Variants in CCNJL observed in about 807,000 individuals in gnomAD.
The protein encoded by CCNJL is cyclin J like.
Under a neutral mutation model 33.4 loss-of-function variants are expected in CCNJL, and 33 were observed. The observed-to-expected ratio is 0.99, with a 90% CI of 0.75 to 1.32. The LOEUF is 1.32. Ranked by LOEUF, CCNJL falls within the 40% of genes most tolerant of loss-of-function variation. The pLI, the probability that CCNJL is intolerant of heterozygous loss-of-function variation, is 0.00. For missense variants in CCNJL, 512 were observed against 499.7 expected, an observed-to-expected ratio of 1.02 and a Z score of -0.23; for synonymous variants, 227 against 220.9, an observed-to-expected ratio of 1.03 and a Z score of -0.24.
chr5:160,289,738 G>A (rs1681208596), intron 2 of CCNJL, among the ~76,000 whole-genome samples: 1 of 152,178 alleles, frequency 6.6e-6, no homozygotes, highest in Non-Finnish European at 1.5e-5. Context: ...GAGGCAGCAG[G>A]GCTGCCTGGA....
chr5:160,324,327 C>T (rs1032687590), intron 1 of CCNJL, among the ~76,000 whole-genome samples: 7 of 151,974 alleles, frequency 4.6e-5, no homozygotes, highest in African/African-American at 1.7e-4. Context: ...AATCCCAGCA[C>T]TTTGGGAGGC....
At chr5:160,292,762 T>G (rs1262811884) in intron 2 of CCNJL, among the ~76,000 whole-genome samples, 1 of 152,190 alleles carries the variant, frequency 6.6e-6, no homozygotes, top group Non-Finnish European at 1.5e-5. Flanking sequence ...TGGCAGACAC[T>G]GCATTCCATG....
chr5:160,283,837 G>T (rs1235725718), intron 2 of CCNJL, among the ~76,000 whole-genome samples: 1 of 150,488 alleles, frequency 6.6e-6, no homozygotes, highest in African/African-American at 2.5e-5. Context: ...CAATTGCTTT[G>T]ATTTTTAGAT....
At chr5:160,312,880 C>T (rs1038993151), upstream of CCNJL, 1 of 152,042 alleles carries the variant, frequency 6.6e-6, no homozygotes, top group Non-Finnish European at 1.5e-5. Flanking sequence ...GCCTTCCGCG[C>T]GCACTGCTCT....
At chr5:160,314,541 C>G (rs1157102478), upstream of CCNJL, among the ~76,000 whole-genome samples, 1 of 152,088 alleles carries the variant, frequency 6.6e-6, no homozygotes, top group Non-Finnish European at 1.5e-5. Context: ...AGGGGAAGGC[C>G]TAGATACTAA....
intron 1 of CCNJL, among the ~76,000 whole-genome samples, chr5:160,320,780 CTTTCTTTCCTT>C (rs1763430828): frequency 6.9e-6 from 1 of 145,780 alleles, no homozygotes; most frequent in African/African-American, 2.8e-5. Flanking sequence ...TCTTTCTTTT[CTTTCTTTCCTT>C]TCTTTCTTTC....
chr5:160,333,928 G>A (rs947309314), intron 1 of CCNJL, among the ~76,000 whole-genome samples: 4 of 152,118 alleles, frequency 2.6e-5, no homozygotes, highest in South Asian at 2.1e-4. Flanking sequence ...TGATTTTGCT[G>A]TCTTGGTAGA....
At chr5:160,310,496 CAGA>C (rs1259742604) in intron 2 of CCNJL, among the ~76,000 whole-genome samples, 1 of 152,282 alleles carries the variant, frequency 6.6e-6, no homozygotes, top group East Asian at 1.9e-4. Flanking sequence ...ACCCTTTAAG[CAGA>C]ACTCCTCCAG....
rs115859676 is a variant in CCNJL at position 160,332,652 on chromosome 5, T to C, written n.206+6793A>G. 7.5e-3 allele frequency among the ~76,000 whole-genome samples: 1,139 copies of C among 152,308 alleles called. 15 individuals carry two copies. The highest frequency in any genetic ancestry group is 0.025 in the African/African-American group (1,058 of 41,568). On this transcript the variant is annotated intron_variant and non_coding_transcript_variant, in intron 1 of 7. Coordinates refer to the CCNJL transcript ENST00000377503. ...CTCAGGGCCTCCACACTTGCCGTTCTTCCCAGCCCCACATATCTGTACAGC... is the reference window on the plus strand; with the variant it reads ...CTCAGGGCCTCCACACTTGCCGTTCCTCCCAGCCCCACATATCTGTACAGC...
rs1373974426 is a variant in CCNJL, at chr5:160,253,621, C to T, written c.921G>A (p.Leu307=). The change falls in exon 6 of 6, where the codon TTG becomes TTA. Residue 307 remains leucine (L), a synonymous_variant. Coordinates refer to ENST00000257536, the MANE Select transcript of CCNJL (RefSeq NM_001308173.3). ...QFQTPVQDLC[L]AYRDSLQAHR... ...GGGCCTGCAAGGAGTCCCGATAGGC[C>T]AAGCATAGGTCCTGCACGGGGGTCT... 1.9e-6 allele frequency: 3 copies of T among 1,613,358 alleles called. No individual in the cohort carries two copies. The highest frequency in any genetic ancestry group is 2.5e-6 in the Non-Finnish European group (3 of 1,179,692).
At chr5:160,285,528 C>G (rs183098940) in intron 2 of CCNJL, among the ~76,000 whole-genome samples, 58 of 152,298 alleles carry the variant, frequency 3.8e-4, no homozygotes, top group African/African-American at 1.3e-3. Context: ...TCGTGGCCAA[C>G]AGAGGGAAGT....
chr5:160,253,678 G>C lies in CCNJL; in HGVS notation c.864C>G (p.Leu288=). 1 of 1,608,472 alleles carries C rather than the reference G, an allele frequency of 6.2e-7. No homozygotes were observed. Among genetic ancestry groups the C allele is most frequent in the Non-Finnish European group, 8.5e-7 (1 of 1,176,458 alleles). ...VLFQPPAYPA[L]GQPATTLAQF... is the part of the protein sequence containing the mutation. Reference sequence around the variant, plus strand: ...GTGCCAGGGTGGTCGCTGGCTGGCCGAGGGCCGGGTAGGCTGGTGGCTGGA... The same window carrying C: ...GTGCCAGGGTGGTCGCTGGCTGGCCCAGGGCCGGGTAGGCTGGTGGCTGGA... Residue 288 remains leucine (L), a synonymous_variant, in exon 6 of 6, where the codon CTC becomes CTG. Coordinates refer to ENST00000257536, the MANE Select transcript of CCNJL (RefSeq NM_001308173.3).
At chr5:160,282,797 A>G (rs577487756) in intron 2 of CCNJL, among the ~76,000 whole-genome samples, 1 of 151,524 alleles carries the variant, frequency 6.6e-6, no homozygotes, top group African/African-American at 2.4e-5. Flanking sequence ...AAAAAAAATC[A>G]ATACAAAACT....
At chr5:160,320,815 TTC>T (rs1491085329) in intron 1 of CCNJL, among the ~76,000 whole-genome samples, 2 of 105,164 alleles carry the variant, frequency 1.9e-5, no homozygotes, top group African/African-American at 3.7e-5. Flanking sequence ...CTTTCTTTCT[TTC>T]TTTCTTTCTT....
intron 1 of CCNJL, among the ~76,000 whole-genome samples, chr5:160,321,012 CTCTTTCTTTCTTTCTTTCTTTCTTTCTT>C (rs59309263): frequency 0.033 from 2,379 of 71,784 alleles, 65 homozygotes; most frequent in Admixed American, 0.049. Context: ...CTCTCTCTCT[CTCTTTCTTTCTTTCTTTCTTTCTTTCTT>C]TCTTTCTTTC....
chr5:160,255,782 T>A (rs537691337), intron 4 of CCNJL, 74 bp from the exon 5 acceptor site: 1 of 1,321,860 alleles, frequency 7.6e-7, no homozygotes, highest in African/African-American at 1.5e-5. Context: ...TGAGAATGGA[T>A]GGACAAATGA....
chr5:160,320,842 T>A, intron 1 of CCNJL, among the ~76,000 whole-genome samples: 1 of 83,468 alleles, frequency 1.2e-5, no homozygotes, highest in South Asian at 4.3e-4. Context: ...TCTTTCTTTC[T>A]TTCTTTCCTT....
At chr5:160,316,411 A>G (rs1763381054), upstream of CCNJL, among the ~76,000 whole-genome samples, 1 of 118,738 alleles carries the variant, frequency 8.4e-6, no homozygotes, top group South Asian at 2.7e-4. Context: ...CAGCTTTCTT[A>G]TATATCCCTA....
rs955022133 is a variant in CCNJL at position 160,255,657 on chromosome 5, C to G, written c.635G>C (p.Gly212Ala). Residue 212 changes from glycine to alanine, a missense_variant, in exon 5 of 6, where the codon GGG (glycine) becomes GCG (alanine). Gly to Ala is a moderately conservative substitution (Grantham distance 60). Transcript: ENST00000257536. ...AAGCTGCAGGCAAATCCTGGAGGCC[C>G]CAACACAGGCCGCAGCGACCACAGA... is the stretch of plus-strand genomic sequence containing the variant. Reference protein sequence around the residue: ...QPSVVAAACVGASRICLQLSP... With the variant: ...QPSVVAAACVAASRICLQLSP... The G allele has an allele frequency of 6.2e-7, 1 of 1,614,046 alleles. No homozygotes were observed. Among genetic ancestry groups the G allele is most frequent in the South Asian group, 1.1e-5 (1 of 91,078 alleles).
Sources: allele counts gnomAD v4.1 joint callset (sites outside exome capture counted in the v4.1 genomes callset), GRCh38; gene constraint gnomAD v4.1.1; transcripts MANE v1.5; gene names NCBI Gene and HGNC (gene_info 2026-07-23, HGNC 2026-07-21).